Variants in SNX30 observed in about 807,000 individuals in gnomAD.
SNX30 encodes sorting nexin-30.
SNX30 carries 24 observed loss-of-function variants against 46.4 expected under a neutral mutation model. That is an observed-to-expected ratio of 0.52 (90% confidence interval 0.37 to 0.73). The LOEUF (loss-of-function observed/expected upper bound fraction) is 0.73. Ranked by LOEUF, SNX30 falls within the 30% of genes least tolerant of loss-of-function variation. The pLI is 0.00. For missense variants in SNX30, 533 were observed against 555.7 expected (o/e 0.96, Z 0.41); for synonymous variants, 189 against 211.5 (o/e 0.89, Z 0.92).
At chr9:112,847,258 G>A (rs1564290083) in intron 6 of SNX30, among the ~76,000 whole-genome samples, 1 of 150,882 alleles carries the variant, frequency 6.6e-6, no homozygotes, top group African/African-American at 2.4e-5. Flanking sequence ...CAGCCGTCCC[G>A]TGCGTATCCC....
downstream of SNX30, chr9:112,879,503 T>G: frequency 2.2e-6 from 1 of 451,684 alleles, no homozygotes; most frequent in Non-Finnish European, 4.1e-6. Context: ...CTTAAGGTCA[T>G]GCTCTGCTGT....
chr9:112,769,987 C>T (rs190130630), intron 1 of SNX30, among the ~76,000 whole-genome samples: 111 of 152,230 alleles, frequency 7.3e-4, no homozygotes, highest in Non-Finnish European at 1.5e-3. Flanking sequence ...TTCTCACTCT[C>T]TCCACTGCTG....
Position 112,869,345 on chromosome 9 carries a change from T to G in SNX30, c.*502T>G. On this transcript the variant is annotated 3_prime_UTR_variant, in exon 9 of 9. Coordinates refer to ENST00000374232, the MANE Select transcript of SNX30 (RefSeq NM_001012994.2). ...TCTTGGCCTAGGAGGCATTGGTGCC[T>G]CCCTGGCAAGTCCTTAACGTACAGT... 5.6e-6 allele frequency: 1 copy of G among 177,046 alleles called. No homozygotes were observed. The highest frequency in any genetic ancestry group is 1.2e-5 in the Non-Finnish European group (1 of 81,656). 11.0% of individuals were successfully genotyped at this position (177,046 alleles called of 1,614,324 possible).
intron 3 of SNX30, among the ~76,000 whole-genome samples, chr9:112,819,628 G>T (rs1396162990): frequency 6.6e-6 from 1 of 152,154 alleles, no homozygotes; most frequent in East Asian, 1.9e-4. Flanking sequence ...TAGCAGTCAT[G>T]TCTCCTTAGG....
intron 4 of SNX30, among the ~76,000 whole-genome samples, chr9:112,831,522 T>G (rs1204846179): frequency 6.6e-6 from 1 of 152,198 alleles, no homozygotes; most frequent in Non-Finnish European, 1.5e-5. Context: ...TTTGAGTGAT[T>G]ACTTGCAGCT....
At chr9:112,840,142 C>A (rs1186910562) in intron 6 of SNX30, among the ~76,000 whole-genome samples, 1 of 152,188 alleles carries the variant, frequency 6.6e-6, no homozygotes, top group Non-Finnish European at 1.5e-5. Context: ...AAAACACTTT[C>A]CAAGCCAGGA....
At chr9:112,810,576 A>G (rs1489759141) in intron 2 of SNX30, among the ~76,000 whole-genome samples, 1 of 152,174 alleles carries the variant, frequency 6.6e-6, no homozygotes, top group East Asian at 1.9e-4. Flanking sequence ...AGAGCCTGAA[A>G]TATAGGGGAT....
At chr9:112,879,173 C>A (rs946756310), downstream of SNX30, 24 of 152,356 alleles carry the variant, frequency 1.6e-4, no homozygotes, top group African/African-American at 5.3e-4. Context: ...GCTCCATCCC[C>A]CTCCTGAGTG....
At chr9:112,752,969 C>T (rs779109446) in intron 1 of SNX30, among the ~76,000 whole-genome samples, 2 of 152,134 alleles carry the variant, frequency 1.3e-5, no homozygotes, top group Non-Finnish European at 2.9e-5. Flanking sequence ...GTTTTTCCCC[C>T]CAGAGCAAGT....
rs573073334 is a variant in SNX30 at position 112,793,110 on chromosome 9, C to T, written c.157-11666C>T. 1.6e-4 allele frequency among the ~76,000 whole-genome samples: 24 copies of T among 152,218 alleles called. No homozygotes were observed. The South Asian group carries it at 3.9e-3, about 25-fold the overall frequency. ...TAATAATTCAGACCTGCTATTTGCC[C>T]CCATCAGAACAAGTGGATTATATTG... is the stretch of plus-strand genomic sequence containing the variant. On this transcript the variant is annotated intron_variant, in intron 1 of 8. Transcript: ENST00000374232.
rs922256726 is a variant in SNX30, at chr9:112,817,955, C to G, written c.459+140C>G. On this transcript the variant is annotated intron_variant, in intron 3 of 8. Coordinates refer to ENST00000374232, the MANE Select transcript of SNX30 (RefSeq NM_001012994.2). ...AAAACATGTTAACGGACACTGTATA[C>G]AATACTTCACCTATTAGGTTTTAGT... 1.6e-5 allele frequency: 9 copies of G among 580,502 alleles called. No homozygotes were observed. The African/African-American group carries it at 1.7e-4, about 11-fold the overall frequency. 36.0% of individuals were successfully genotyped at this position (580,502 alleles called of 1,614,324 possible).
At chr9:112,829,434 G>A (rs144158254) in intron 3 of SNX30, among the ~76,000 whole-genome samples, 2 of 152,238 alleles carry the variant, frequency 1.3e-5, no homozygotes, top group Non-Finnish European at 2.9e-5. Context: ...ACCATGCCCA[G>A]CTAATTGTTT....
intron 2 of SNX30, among the ~76,000 whole-genome samples, chr9:112,810,876 C>T (rs1471331416): frequency 2.0e-5 from 3 of 151,824 alleles, no homozygotes; most frequent in East Asian, 1.9e-4. Context: ...TTTCACAGGG[C>T]GGTTGGGGAG....
chr9:112,808,802 C>G (rs139739948), intron 2 of SNX30, among the ~76,000 whole-genome samples: 3 of 152,254 alleles, frequency 2.0e-5, no homozygotes, highest in African/African-American at 7.2e-5. Context: ...AGTAAGCATG[C>G]TTTTATGCTA....
chr9:112,859,622 A>AT (rs1211178934), intron 7 of SNX30, among the ~76,000 whole-genome samples: 3 of 151,938 alleles, frequency 2.0e-5, no homozygotes, highest in Non-Finnish European at 4.4e-5. Context: ...ACGCTTATCT[A>AT]TTTTTTTGAG....
chr9:112,834,882 A>ACACACACACC (rs56385707), intron 4 of SNX30, among the ~76,000 whole-genome samples: 3,387 of 105,150 alleles, frequency 0.032, 94 homozygotes, highest in South Asian at 0.075. Flanking sequence ...ACACACACAC[A>ACACACACACC]CCTACCTCAA....
intron 1 of SNX30, among the ~76,000 whole-genome samples, chr9:112,791,449 C>T (rs1181280508): frequency 9.5e-6 from 1 of 105,438 alleles, no homozygotes; most frequent in African/African-American, 3.7e-5. Flanking sequence ...CTTGCTCTGT[C>T]GCCAGGCTGG....
chr9:112,815,245 CTG>C (rs1293065362), intron 2 of SNX30, among the ~76,000 whole-genome samples: 1 of 151,322 alleles, frequency 6.6e-6, no homozygotes, highest in Non-Finnish European at 1.5e-5. Context: ...TTCTATTGTG[CTG>C]TCTTTTGTAG....
chr9:112,875,460 G>A (rs1841507630), downstream of SNX30, among the ~76,000 whole-genome samples: 1 of 152,198 alleles, frequency 6.6e-6, no homozygotes, highest in South Asian at 2.1e-4. Context: ...TACAAAATAA[G>A]GCAGCAAGCT....
Sources: allele counts gnomAD v4.1 joint callset (sites outside exome capture counted in the v4.1 genomes callset), GRCh38; gene constraint gnomAD v4.1.1; transcripts MANE v1.5; gene names NCBI Gene and HGNC (gene_info 2026-07-23, HGNC 2026-07-21).